SPHK2: variants seen among roughly 807,000 people sequenced by gnomAD.
SPHK2 encodes the protein sphingosine kinase 2.
SPHK2 carries 18 observed loss-of-function variants against 32.3 expected under a neutral mutation model. The ratio of observed to expected loss-of-function variants is 0.56; its 90% confidence interval spans 0.39 to 0.83. SPHK2 has a LOEUF of 0.83. SPHK2 is among the 40% of genes least tolerant of loss of function. The probability of loss-of-function intolerance (pLI) is 0.00; values close to 1 mark genes in which losing one functional copy is unlikely to be tolerated. For missense variants in SPHK2, 850 were observed against 908.7 expected, an observed-to-expected ratio of 0.94 and a Z score of 0.83; for synonymous variants, 462 against 417.6, an observed-to-expected ratio of 1.11 and a Z score of -1.30.
rs2030489100 is a variant in SPHK2, at chr19:48,630,199, TC to T, written c.*428del. On this transcript the variant is annotated 3_prime_UTR_variant, in exon 7 of 7. Transcript: ENST00000245222. The surrounding 1 kb of genome is among the most constrained non-coding windows in gnomAD (Gnocchi z 4.9). ...GGGCCCGCAGCCTCGCCCCATCCACTCCGGTGCCTCCATTTAGCTGGCCAAT... is the reference window on the plus strand; with the variant it reads ...GGGCCCGCAGCCTCGCCCCATCCACTCGGTGCCTCCATTTAGCTGGCCAAT... 1 of 1,251,568 alleles carries T rather than the reference TC, an allele frequency of 8.0e-7. No homozygotes were observed. The highest frequency in any genetic ancestry group is 3.9e-5 in the Admixed American group (1 of 25,906). The allele number at this position is 1,251,568 out of a possible 1,614,324, so 77.5% of individuals were successfully genotyped here. A position where few individuals can be genotyped will look rare whatever the true frequency, so the allele number is the denominator to read the frequency against.
At chr19:48,622,236 G>A (rs1286223929) in intron 2 of SPHK2, among the ~76,000 whole-genome samples, 1 of 149,336 alleles carries the variant, frequency 6.7e-6, no homozygotes, top group Non-Finnish European at 1.5e-5. Context: ...TCCAGCCTGG[G>A]CGACAGAGCG....
Position 48,628,592 on chromosome 19 carries a change from C to T in SPHK2, c.873-89C>T. On this transcript the variant is annotated intron_variant, in intron 6 of 6. Transcript: ENST00000245222. The surrounding 1 kb of genome is among the most constrained non-coding windows in gnomAD (Gnocchi z 5.2). ...GGGCCTGGGCCATGGCCTTCGTGGT[C>T]TCATTGCCAGCTGCTTTCCTACCTG... 1 of 1,521,522 alleles carries T rather than the reference C, an allele frequency of 6.6e-7. No individual in the cohort carries two copies. 94.3% of individuals were successfully genotyped at this position (1,521,522 alleles called of 1,614,324 possible).
At chr19:48,619,814 CAG>C (rs1299952086) in intron 1 of SPHK2, 6 of 153,232 alleles carry the variant, frequency 3.9e-5, no homozygotes, top group African/African-American at 1.5e-4. Context: ...AAGAGGGAGA[CAG>C]AGTTTCATAG....
rs754689223 is a variant in SPHK2 at position 48,628,233 on chromosome 19, C to A, written c.828C>A (p.Cys276Ter). The A allele has an allele frequency of 6.2e-7, 1 of 1,613,668 alleles. No individual in the cohort carries two copies. The highest frequency in any genetic ancestry group is 8.5e-7 in the Non-Finnish European group (1 of 1,179,954). Residue 276 changes from cysteine (C) to a stop codon, truncating the protein, a stop_gained, in exon 6 of 7, where the codon TGC becomes TGA. Coordinates refer to ENST00000245222, the MANE Select transcript of SPHK2 (RefSeq NM_020126.5). LOFTEE classifies it low-confidence loss of function (END_TRUNC). This position sits in a 1 kb window ranked among gnomAD's most constrained non-coding sequence, Gnocchi z 5.2. ...AVKMPVGILP[C>*]GSGNALAGAV... The stretch of plus-strand genomic sequence containing the variant: ...AGATGCCTGTGGGCATCCTCCCCTG[C>A]GGCTCGGGCAACGCGCTGGCCGGAG...
chr19:48,629,489 T>C lies in SPHK2; in HGVS notation c.1681T>C (p.Phe561Leu). Residue 561 changes from phenylalanine to leucine, a missense_variant, in exon 7 of 7, where the codon TTC (phenylalanine) becomes CTC (leucine). Phe to Leu is a conservative substitution (Grantham distance 22, BLOSUM62 0). Around this residue, in one of 2 missense-constraint regions of SPHK2, gnomAD observed 306 missense variants for 268.6 expected, o/e 1.14. Coordinates refer to ENST00000245222, the MANE Select transcript of SPHK2 (RefSeq NM_020126.5). ...ADLVAAPHAR[F>L]DDGLVHLCWV... is the part of the protein sequence containing the mutation. ...CCTGGTGGCAGCTCCGCATGCGCGC[T>C]TCGACGACGGCCTGGTGCACCTGTG... The C allele has an allele frequency of 6.2e-7, 1 of 1,607,496 alleles. No individual in the cohort carries two copies. The highest frequency in any genetic ancestry group is 8.5e-7 in the Non-Finnish European group (1 of 1,178,522).
At position 48,628,930 on chromosome 19, in the gene SPHK2, A is replaced by T; in HGVS notation, c.1122A>T (p.Gly374=). Residue 374 remains glycine (G), a synonymous_variant, in exon 7 of 7, where the codon GGA becomes GGT. Coordinates refer to ENST00000245222, the MANE Select transcript of SPHK2 (RefSeq NM_020126.5). This position sits in a 1 kb window ranked among gnomAD's most constrained non-coding sequence, Gnocchi z 5.2. ...LGLATLHTYR[G]RLSYLPATVE... is the part of the protein sequence containing the mutation. ...TCGCCACACTGCACACCTACCGCGG[A>T]CGCCTCTCCTACCTCCCCGCCACTG... 1 of 1,613,008 alleles carries T rather than the reference A, an allele frequency of 6.2e-7. No homozygotes were observed. The highest frequency in any genetic ancestry group is 8.5e-7 in the Non-Finnish European group (1 of 1,179,892).
intron 1 of SPHK2, 93 bp downstream of exon 1, chr19:48,619,636 G>C (rs965272575): frequency 8.9e-5 from 16 of 180,088 alleles, no homozygotes; most frequent in Non-Finnish European, 1.2e-5. Flanking sequence ...ACCGCTCCCT[G>C]ATCTCGCGCT....
chr19:48,629,492 G>A lies in SPHK2; in HGVS notation c.1684G>A (p.Asp562Asn). 6.2e-7 allele frequency: 1 copy of A among 1,607,342 alleles called. No homozygotes were observed. Among genetic ancestry groups the A allele is most frequent in the Non-Finnish European group, 8.5e-7 (1 of 1,178,436 alleles). The change falls in exon 7 of 7, where the codon GAC (aspartate) becomes AAC (asparagine). Residue 562 changes from aspartate (D) to asparagine (N), a missense_variant. Physicochemically the swap from Asp to Asn is conservative, Grantham distance 23. Transcript: ENST00000245222. ...GGTGGCAGCTCCGCATGCGCGCTTC[G>A]ACGACGGCCTGGTGCACCTGTGCTG... ...DLVAAPHARF[D>N]DGLVHLCWVR...
In SPHK2 at chr19:48,620,346, A is replaced by T. The variant is rs558461199; in HGVS notation, c.-113-56A>T. The T allele has an allele frequency of 2.3e-4, 126 of 556,168 alleles. 1 individual carries two copies. Among genetic ancestry groups the T allele is most frequent in the Non-Finnish European group, 3.4e-4 (107 of 314,524 alleles). 34.5% of individuals were successfully genotyped at this position (556,168 alleles called of 1,614,324 possible). A position where few individuals can be genotyped will look rare whatever the true frequency, so the allele number is the denominator to read the frequency against. On this transcript the variant is annotated intron_variant, in intron 1 of 6. Transcript: ENST00000245222. ...TGGTTCTCAGGCACATTGAGCCTGG[A>T]AGGGCCTCCTGCAGTTGGCTGTCAA... is the stretch of plus-strand genomic sequence containing the variant.
chr19:48,629,850 C>T lies in SPHK2; in HGVS notation c.*77C>T, dbSNP rs2147704472. The T allele has an allele frequency of 6.7e-7, 1 of 1,484,936 alleles. No individual in the cohort carries two copies. The highest frequency in any genetic ancestry group is 8.9e-7 in the Non-Finnish European group (1 of 1,117,874). The allele number at this position is 1,484,936 out of a possible 1,614,324, so 92.0% of individuals were successfully genotyped here. A position where few individuals can be genotyped will look rare whatever the true frequency, so the allele number is the denominator to read the frequency against. Reference sequence around the variant, plus strand: ...CGGAGCCTGAGCTAGGGGGTGTGGCCTGGCTGCTAGAGTTGTGGTGGCAGG... The same window carrying T: ...CGGAGCCTGAGCTAGGGGGTGTGGCTTGGCTGCTAGAGTTGTGGTGGCAGG... On this transcript the variant is annotated 3_prime_UTR_variant, in exon 7 of 7. Coordinates refer to ENST00000245222, the MANE Select transcript of SPHK2 (RefSeq NM_020126.5).
In SPHK2 at chr19:48,629,754, G is replaced by T. The variant is rs761884193; in HGVS notation, c.1946G>T (p.Cys649Phe). 2 of 1,579,558 alleles carry T rather than the reference G, an allele frequency of 1.3e-6. No individual in the cohort carries two copies. The highest frequency in any genetic ancestry group is 1.7e-6 in the Non-Finnish European group (2 of 1,159,710). The stretch of plus-strand genomic sequence containing the variant: ...ACACTGCTCACTGGGCCTCCTGGCT[G>T]CCCGGGGCGGGAGCCCTGAAACTAA... ...IGTLLTGPPG[C>F]PGREP Residue 649 changes from cysteine to phenylalanine, a missense_variant, in exon 7 of 7, where the codon TGC (cysteine) becomes TTC (phenylalanine). Around this residue, in one of 2 missense-constraint regions of SPHK2, gnomAD observed 306 missense variants for 268.6 expected, o/e 1.14. Transcript: ENST00000245222.
chr19:48,629,959 G>C lies in SPHK2; in HGVS notation c.*186G>C. On this transcript the variant is annotated 3_prime_UTR_variant, in exon 7 of 7. Transcript: ENST00000245222. The stretch of plus-strand genomic sequence containing the variant: ...AGGTGGGCGTCGTCACGGTTAAAGA[G>C]AAATGGGCTCGTCCCGAGGGTAGTG... 1 of 1,413,906 alleles carries C rather than the reference G, an allele frequency of 7.1e-7. No homozygotes were observed. The highest frequency in any genetic ancestry group is 9.2e-7 in the Non-Finnish European group (1 of 1,088,530). The allele number at this position is 1,413,906 out of a possible 1,614,324, so 87.6% of individuals were successfully genotyped here.
rs1242481928 is a variant in SPHK2 at position 48,626,199 on chromosome 19, C to T, written c.348C>T (p.Cys116=). The T allele has an allele frequency of 1.9e-6, 3 of 1,596,024 alleles. No homozygotes were observed. The highest frequency in any genetic ancestry group is 2.2e-5 in the South Asian group (2 of 89,636). Residue 116 remains cysteine, a synonymous_variant, in exon 3 of 7, where the codon TGC becomes TGT. Coordinates refer to ENST00000245222, the MANE Select transcript of SPHK2 (RefSeq NM_020126.5). Reference sequence around the variant, plus strand: ...CCTCAGACTCAGCGGCCTACTTCTGCATCTACACCTACCCTCGGGGCCGGC... The same window carrying T: ...CCTCAGACTCAGCGGCCTACTTCTGTATCTACACCTACCCTCGGGGCCGGC... ...RSPSDSAAYF[C]IYTYPRGRRG...
chr19:48,625,183 C>T lies in SPHK2; in HGVS notation c.40-708C>T, dbSNP rs902680211. 4.9e-6 allele frequency: 5 copies of T among 1,024,442 alleles called. No individual in the cohort carries two copies. In the African/African-American group the frequency reaches 8.7e-5, roughly 18 times the overall value. 63.5% of individuals were successfully genotyped at this position (1,024,442 alleles called of 1,614,324 possible). On this transcript the variant is annotated intron_variant, in intron 2 of 6. Coordinates refer to ENST00000245222, the MANE Select transcript of SPHK2 (RefSeq NM_020126.5). ...TCATATCCCTTCTCTCCAGCTGTCTCCATGCCTGCCTCGTACCCCTCCTAT... is the reference window on the plus strand; with the variant it reads ...TCATATCCCTTCTCTCCAGCTGTCTTCATGCCTGCCTCGTACCCCTCCTAT...
Position 48,629,058 on chromosome 19 carries a change from A to G in SPHK2, c.1250A>G (p.His417Arg). 1.2e-6 allele frequency: 2 copies of G among 1,612,778 alleles called. No individual in the cohort carries two copies. The highest frequency in any genetic ancestry group is 1.7e-6 in the Non-Finnish European group (2 of 1,179,666). The stretch of plus-strand genomic sequence containing the variant: ...CCGCCCATGGCCCACTCACCCCTGC[A>G]TCGTTCTGTGTCTGACCTGCCTCTT... The part of the protein sequence containing the change: ...PAPPMAHSPL[H>R]RSVSDLPLPL... The change falls in exon 7 of 7, where the codon CAT (histidine) becomes CGT (arginine). Residue 417 changes from histidine to arginine, a missense_variant. His to Arg is a conservative substitution (Grantham distance 29). Transcript: ENST00000245222.
At chr19:48,625,700 C>T in intron 2 of SPHK2, 191 bp from the exon 3 acceptor site, 1 of 1,535,014 alleles carries the variant, frequency 6.5e-7, no homozygotes, top group Non-Finnish European at 8.7e-7. Context: ...GTCTCCGGCC[C>T]CCTCTGGGAT....
At chr19:48,624,820 C>G (rs1289906906) in intron 2 of SPHK2, 1 of 845,314 alleles carries the variant, frequency 1.2e-6, no homozygotes, top group Admixed American at 6.3e-5. Flanking sequence ...CCCGAGAGAG[C>G]CGCTGGGGAT....
At chr19:48,621,239 C>T (rs2147668530) in intron 2 of SPHK2, among the ~76,000 whole-genome samples, 1 of 152,282 alleles carries the variant, frequency 6.6e-6, no homozygotes, top group Non-Finnish European at 1.5e-5. Flanking sequence ...GCCACCACAC[C>T]CAGCTACTTT....
rs1394891873 is a variant in SPHK2, at chr19:48,630,286, C to A, written c.*513C>A. On this transcript the variant is annotated 3_prime_UTR_variant, in exon 7 of 7. Coordinates refer to ENST00000245222, the MANE Select transcript of SPHK2 (RefSeq NM_020126.5). The surrounding 1 kb of genome is among the most constrained non-coding windows in gnomAD (Gnocchi z 4.9). ...TAGGATTTGCACTAATGTTCCTCTC[C>A]CCGCGGGTGGGGGCGGGGAAATTCA... is the stretch of plus-strand genomic sequence containing the variant. 7.7e-7 allele frequency: 1 copy of A among 1,290,994 alleles called. No homozygotes were observed. Among genetic ancestry groups the A allele is most frequent in the South Asian group, 2.6e-5 (1 of 38,898 alleles). The allele number at this position is 1,290,994 out of a possible 1,614,324, so 80.0% of individuals were successfully genotyped here.
Sources: gnomAD v4.1 joint callset for allele counts (sites outside exome capture counted in the v4.1 genomes callset) on GRCh38, gnomAD v4.1.1 for gene constraint, gnomAD v4.1.1 regional missense constraint, Gnocchi (gnomAD v3.1) non-coding constraint, MANE v1.5 for transcripts, NCBI Gene and HGNC (gene_info 2026-07-23, HGNC 2026-07-21) for gene names.